Variants in NBAS observed in about 807,000 individuals in gnomAD.
NBAS encodes the protein NBAS subunit of NRZ tethering complex.
A neutral mutation model predicts 302.5 loss-of-function variants in NBAS; 219 were observed. The ratio of observed to expected loss-of-function variants is 0.72; its 90% CI spans 0.65 to 0.81. The LOEUF (loss-of-function observed/expected upper bound fraction) is 0.81. NBAS is among the 30% of genes least tolerant of loss of function. NBAS has a pLI of 0.00. For synonymous variants in NBAS, 1,118 were observed against 1,021.6 expected (o/e 1.09, Z -1.80); for missense variants, 2,932 against 2,841.6 (o/e 1.03, Z -0.72).
intron 18 of NBAS, 124 bp from the exon 19 acceptor site, chr2:15,467,531 G>T: frequency 7.8e-7 from 1 of 1,276,978 alleles, no homozygotes; most frequent in Non-Finnish European, 1.1e-6. Flanking sequence ...AAAAGCACAA[G>T]GGTAAGATAA....
At chr2:15,119,602 G>A in the NBAS span, among the ~76,000 whole-genome samples, 2 of 152,158 alleles carry the variant, frequency 1.3e-5, no homozygotes, top group African/African-American at 2.4e-5. Context: ...GCCTCTCAGA[G>A]TGCTGGGATT....
Position 15,461,690 on chromosome 2 carries a change from A to G in NBAS, c.2199T>C (p.Ala733=). ...QNIVLSARTY[A]QESNVQALEI... ...TTATTTACAAAAAGCAAATTACCTG[A>G]GCATAAGTTCTTGCTGAGAGAACAA... The change falls in exon 20 of 52, where the codon GCT becomes GCC. Residue 733 remains alanine (A), a synonymous_variant. Transcript: ENST00000281513. 6.4e-7 allele frequency: 1 copy of G among 1,559,640 alleles called. No homozygotes were observed. Among genetic ancestry groups the G allele is most frequent in the Non-Finnish European group, 8.8e-7 (1 of 1,132,500 alleles).
chr2:14,877,528 A>G, the NBAS span, among the ~76,000 whole-genome samples: 1 of 152,258 alleles, frequency 6.6e-6, no homozygotes, highest in Admixed American at 6.5e-5. Flanking sequence ...ATTGTCTAAT[A>G]AGACAAATAC....
chr2:15,422,799 A>G (rs758414255), intron 23 of NBAS, among the ~76,000 whole-genome samples: 1 of 152,186 alleles, frequency 6.6e-6, no homozygotes, highest in East Asian at 1.9e-4. Flanking sequence ...TTTTTGATGT[A>G]TATATAAATA....
At chr2:15,552,707 A>G (rs1368506022) in intron 5 of NBAS, among the ~76,000 whole-genome samples, 1 of 152,132 alleles carries the variant, frequency 6.6e-6, no homozygotes, top group African/African-American at 2.4e-5. Context: ...AGACAGCATA[A>G]TTGGTCTCAA....
intron 1 of NBAS, among the ~76,000 whole-genome samples, chr2:15,560,097 A>AG (rs1553338647): frequency 1.3e-5 from 2 of 152,214 alleles, no homozygotes; most frequent in Non-Finnish European, 2.9e-5. Context: ...AGAAACACTC[A>AG]GAAAAAATGT....
chr2:15,434,787 C>G lies in NBAS; in HGVS notation c.2340-6993G>C, dbSNP rs139593241. The stretch of plus-strand genomic sequence containing the variant: ...GGAATATATATTAAATGTGGTAACA[C>G]GGAAAGATCTGAGATCTGAGTCAAC... On this transcript the variant is annotated intron_variant, in intron 21 of 51. Transcript: ENST00000281513. 4.6e-3 allele frequency among the ~76,000 whole-genome samples: 701 copies of G among 152,180 alleles called. 7 individuals carry two copies. Among genetic ancestry groups the G allele is most frequent in the African/African-American group, 0.016 (674 of 41,510 alleles).
chr2:14,897,470 C>G, the NBAS span, among the ~76,000 whole-genome samples: 3 of 152,162 alleles, frequency 2.0e-5, no homozygotes, highest in African/African-American at 2.4e-5. Flanking sequence ...TCTCCCATAT[C>G]CATTGCTTTG....
At chr2:14,801,286 AT>A in the NBAS span, among the ~76,000 whole-genome samples, 1 of 152,014 alleles carries the variant, frequency 6.6e-6, no homozygotes, top group Non-Finnish European at 1.5e-5. Flanking sequence ...CCTTCCTGTT[AT>A]TCCAGAATTC....
At chr2:14,883,982 A>T in the NBAS span, among the ~76,000 whole-genome samples, 1 of 151,954 alleles carries the variant, frequency 6.6e-6, no homozygotes, top group African/African-American at 2.4e-5. Context: ...AAAAAAAATA[A>T]AATAAAATAA....
At chr2:14,835,247 T>C in the NBAS span, among the ~76,000 whole-genome samples, 22 of 152,072 alleles carry the variant, frequency 1.4e-4, no homozygotes, top group Non-Finnish European at 2.5e-4. Context: ...AAGTGTCCAT[T>C]AAACACATAG....
intron 31 of NBAS, among the ~76,000 whole-genome samples, chr2:15,370,782 T>C (rs954281883): frequency 1.3e-5 from 2 of 152,246 alleles, no homozygotes; most frequent in Admixed American, 1.3e-4. Context: ...CCAATGCCTG[T>C]ACCCCTATTG....
At chr2:15,112,168 T>C in the NBAS span, among the ~76,000 whole-genome samples, 1 of 150,876 alleles carries the variant, frequency 6.6e-6, no homozygotes, top group Admixed American at 6.6e-5. Context: ...GGCTAAACAA[T>C]GTTAAAAATG....
intron 40 of NBAS, among the ~76,000 whole-genome samples, chr2:15,295,108 C>G (rs1430842416): frequency 6.6e-6 from 1 of 152,190 alleles, no homozygotes; most frequent in Non-Finnish European, 1.5e-5. Flanking sequence ...AATACATGTA[C>G]TGGCAGAGTG....
the NBAS span, among the ~76,000 whole-genome samples, chr2:15,116,612 T>C: frequency 6.6e-6 from 1 of 152,170 alleles, no homozygotes; most frequent in Non-Finnish European, 1.5e-5. Flanking sequence ...GGCACACAAA[T>C]ATTCAATCCA....
At chr2:15,407,212 G>C (rs1676457809) in intron 25 of NBAS, among the ~76,000 whole-genome samples, 1 of 152,184 alleles carries the variant, frequency 6.6e-6, no homozygotes, top group Non-Finnish European at 1.5e-5. Context: ...TGTGGCTAGT[G>C]ACTACCATTT....
chr2:15,477,982 A>G (rs1680260747), intron 13 of NBAS, among the ~76,000 whole-genome samples: 1 of 142,612 alleles, frequency 7.0e-6, no homozygotes, highest in Non-Finnish European at 1.6e-5. Context: ...GAAAAGGAGC[A>G]CGCTTCTAAG....
rs1663390898 is a variant in NBAS, at chr2:15,534,568, T to C, written c.721A>G (p.Thr241Ala). ...FSSHYPHGINTAIYHPGHRLL... is the reference protein window; with the variant it reads ...FSSHYPHGINAAIYHPGHRLL... ...CTGTGACCAGGGTGGTAAATAGCTG[T>C]GTTGATTCCATGAGGATAATGACTA... Residue 241 changes from threonine to alanine, a missense_variant, in exon 9 of 52, where the codon ACA (threonine) becomes GCA (alanine). Transcript: ENST00000281513. 6.2e-7 allele frequency: 1 copy of C among 1,612,964 alleles called. No individual in the cohort carries two copies. The highest frequency in any genetic ancestry group is 1.3e-5 in the African/African-American group (1 of 74,912).
At chr2:15,437,581 G>A (rs1185120345) in intron 21 of NBAS, among the ~76,000 whole-genome samples, 1 of 152,110 alleles carries the variant, frequency 6.6e-6, no homozygotes, top group Non-Finnish European at 1.5e-5. Context: ...CTATCTGCAG[G>A]GCGAATAAGT....
Sources: allele counts gnomAD v4.1 joint callset (sites outside exome capture counted in the v4.1 genomes callset), GRCh38; gene constraint gnomAD v4.1.1; transcripts MANE v1.5; gene names NCBI Gene and HGNC (gene_info 2026-07-23, HGNC 2026-07-21).